CEACAM8: variants seen among roughly 807,000 people sequenced by gnomAD.
CEACAM8 encodes cell adhesion molecule CEACAM8.
A neutral mutation model predicts 33.4 loss-of-function variants in CEACAM8; 31 were observed. The ratio of observed to expected loss-of-function variants is 0.93; its 90% CI spans 0.70 to 1.25. The LOEUF is 1.25. Ranked by LOEUF, CEACAM8 falls within the 50% of genes most tolerant of loss-of-function variation. CEACAM8 has a pLI of 0.00. For missense variants in CEACAM8, 388 were observed against 434.6 expected, an observed-to-expected ratio of 0.89 and a Z score of 0.95; for synonymous variants, 138 against 164.5, an observed-to-expected ratio of 0.84 and a Z score of 1.23.
chr19:42,582,170 G>C (rs911127525), intron 5 of CEACAM8, among the ~76,000 whole-genome samples: 1 of 151,230 alleles, frequency 6.6e-6, no homozygotes, highest in Non-Finnish European at 1.5e-5. Flanking sequence ...GTAGCATCTG[G>C]GAAGGCTTAA....
intron 2 of CEACAM8, among the ~76,000 whole-genome samples, chr19:42,592,266 T>C (rs2042455327): frequency 6.6e-6 from 1 of 152,116 alleles, no homozygotes; most frequent in African/African-American, 2.4e-5. Context: ...TCAGTGACTG[T>C]GTCTTCCTGT....
At chr19:42,586,267 G>A (rs1348195259) in intron 4 of CEACAM8, among the ~76,000 whole-genome samples, 1 of 151,682 alleles carries the variant, frequency 6.6e-6, no homozygotes, top group Non-Finnish European at 1.5e-5. Context: ...GGAATTTCAG[G>A]ACTCAAAATA....
chr19:42,589,388 G>A, intron 3 of CEACAM8, 69 bp downstream of exon 3: 2 of 1,608,630 alleles, frequency 1.2e-6, no homozygotes, highest in South Asian at 2.2e-5. Flanking sequence ...GAGGGACTGA[G>A]AGGCCTGGCC....
chr19:42,594,320 G>T (rs1475638738), intron 1 of CEACAM8, among the ~76,000 whole-genome samples: 1 of 151,936 alleles, frequency 6.6e-6, no homozygotes, highest in Non-Finnish European at 1.5e-5. Context: ...TGAGGGCAGG[G>T]ACTTGTGTGG....
chr19:42,588,246 T>G (rs2042369623), intron 4 of CEACAM8, among the ~76,000 whole-genome samples: 1 of 152,162 alleles, frequency 6.6e-6, no homozygotes, highest in Non-Finnish European at 1.5e-5. Flanking sequence ...TCCATACACC[T>G]GGGTCCCACC....
At chr19:42,591,975 AG>A (rs2042448342) in intron 2 of CEACAM8, among the ~76,000 whole-genome samples, 1 of 152,110 alleles carries the variant, frequency 6.6e-6, no homozygotes, top group Non-Finnish European at 1.5e-5. Flanking sequence ...AGGTTCAGTG[AG>A]GGGGGTTAGG....
intron 5 of CEACAM8, among the ~76,000 whole-genome samples, chr19:42,581,920 A>AATATATATATATATAT (rs57314008): frequency 3.2e-4 from 8 of 25,312 alleles, no homozygotes; most frequent in African/African-American, 1.2e-3. Flanking sequence ...AAAAAAAAAA[A>AATATATATATATATAT]ATATATATAT....
intron 5 of CEACAM8, among the ~76,000 whole-genome samples, chr19:42,581,587 A>G (rs1455818831): frequency 3.3e-5 from 5 of 152,202 alleles, no homozygotes; most frequent in Admixed American, 2.0e-4. Context: ...AATGCTTTCC[A>G]TGTAATTTAA....
chr19:42,585,475 C>A (rs1411602976), intron 4 of CEACAM8, among the ~76,000 whole-genome samples: 1 of 151,968 alleles, frequency 6.6e-6, no homozygotes, highest in Non-Finnish European at 1.5e-5. Context: ...CCAAGAAACA[C>A]ACACAAAAAA....
chr19:42,591,096 T>C (rs1310392961), intron 2 of CEACAM8, among the ~76,000 whole-genome samples: 3 of 152,192 alleles, frequency 2.0e-5, no homozygotes, highest in African/African-American at 7.2e-5. Flanking sequence ...TTTTTGATGG[T>C]CAATGTGTAA....
Position 42,594,760 on chromosome 19 carries a change from CT to C in CEACAM8, c.64+4del. The C allele has an allele frequency of 6.2e-7, 1 of 1,608,620 alleles. No individual in the cohort carries two copies. Among genetic ancestry groups the C allele is most frequent in the South Asian group, 1.1e-5 (1 of 91,004 alleles). ...CTGTCCTTTCCCAGGAAGTCCTCTC[CT>C]CACCTGTGAGCAGGAGCCCCTGCCA... On this transcript the variant is annotated splice_donor_region_variant and intron_variant, in intron 1 of 5. Transcript: ENST00000244336.
At chr19:42,587,332 G>A (rs1356344499) in intron 4 of CEACAM8, among the ~76,000 whole-genome samples, 1 of 152,150 alleles carries the variant, frequency 6.6e-6, no homozygotes, top group Non-Finnish European at 1.5e-5. Flanking sequence ...GCCAAAAGGT[G>A]GAAACAACTG....
At position 42,589,725 on chromosome 19, in the gene CEACAM8, G is replaced by A. The variant is rs559364573; in HGVS notation, c.435C>T (p.Pro145=). The change falls in exon 3 of 6, where the codon CCC becomes CCT. Residue 145 remains proline (P), a synonymous_variant. Transcript: ENST00000244336. ...AGTTGTTGCTGGAGATGGAGGGCTT[G>A]GGAGTCTCCGCTGTGCAGAAAACAG... ...TGQFSVHPET[P]KPSISSNNSN... 5 of 1,614,204 alleles carry A rather than the reference G, an allele frequency of 3.1e-6. No individual in the cohort carries two copies. The African/African-American group carries it at 5.3e-5, about 17-fold the overall frequency.
intron 1 of CEACAM8, 45 bp downstream of exon 1, chr19:42,594,720 C>T: frequency 2.0e-6 from 3 of 1,519,024 alleles, no homozygotes; most frequent in South Asian, 1.1e-5. Context: ...CAGCCAGTCA[C>T]TGTGTTTCCT....
chr19:42,588,384 A>G (rs1679471186), intron 4 of CEACAM8, among the ~76,000 whole-genome samples: 1 of 152,194 alleles, frequency 6.6e-6, no homozygotes, highest in South Asian at 2.1e-4. Context: ...CTTGTTTCAA[A>G]GCCTTGGATG....
intron 5 of CEACAM8, among the ~76,000 whole-genome samples, chr19:42,581,921 ATATATAT>A (rs1352904914): frequency 3.4e-4 from 9 of 26,258 alleles, no homozygotes; most frequent in African/African-American, 8.7e-4. Flanking sequence ...AAAAAAAAAA[ATATATAT>A]ATATATATAT....
intron 5 of CEACAM8, chr19:42,582,944 A>G (rs575568624): frequency 3.2e-6 from 1 of 310,260 alleles, no homozygotes; most frequent in East Asian, 5.8e-5. Flanking sequence ...CACAAGTGAG[A>G]GATGTTAAGA....
chr19:42,591,987 ATCT>A (rs2042448986), intron 2 of CEACAM8, among the ~76,000 whole-genome samples: 1 of 152,116 alleles, frequency 6.6e-6, no homozygotes, highest in Non-Finnish European at 1.5e-5. Context: ...GGGGGTTAGG[ATCT>A]TAGAGGGAGC....
chr19:42,593,695 G>T lies in CEACAM8; in HGVS notation c.270C>A (p.Thr90=), dbSNP rs1266125660. 3.1e-6 allele frequency: 5 copies of T among 1,613,970 alleles called. No homozygotes were observed. In the African/African-American group the frequency reaches 6.7e-5, roughly 22 times the overall value. Reference sequence around the variant, plus strand: ...CTCGATTGCTGTATGCAGGCCCTGGGGTAATCTGTTGATTTGATATTACAT... The same window carrying T: ...CTCGATTGCTGTATGCAGGCCCTGGTGTAATCTGTTGATTTGATATTACAT... ...IGYVISNQQI[T]PGPAYSNRET... is the part of the protein sequence containing the mutation. Residue 90 remains threonine, a synonymous_variant, in exon 2 of 6, where the codon ACC becomes ACA. Transcript: ENST00000244336.
Sources: allele counts gnomAD v4.1 joint callset (sites outside exome capture counted in the v4.1 genomes callset), GRCh38; gene constraint gnomAD v4.1.1; transcripts MANE v1.5; gene names NCBI Gene and HGNC (gene_info 2026-07-23, HGNC 2026-07-21).